The following SSBP2 variants were observed in gnomAD, a reference collection of about 807,000 sequenced individuals.
SSBP2 encodes the protein single stranded DNA binding protein 2, also known as single-stranded DNA-binding protein 2.
A neutral mutation model predicts 61.8 loss-of-function variants in SSBP2; 17 were observed. That is an observed-to-expected ratio of 0.28 (90% confidence interval 0.19 to 0.41). The LOEUF is 0.41. SSBP2 is among the 10% of genes least tolerant of loss of function. The probability of loss-of-function intolerance (pLI) is 1.00; values close to 1 mark genes in which losing one functional copy is unlikely to be tolerated. For missense variants in SSBP2, 310 were observed against 458.7 expected, an observed-to-expected ratio of 0.68 and a Z score of 2.96; for synonymous variants, 139 against 141.3, an observed-to-expected ratio of 0.98 and a Z score of 0.12.
chr5:81,607,577 A>G (rs1308304929), intron 4 of SSBP2, among the ~76,000 whole-genome samples: 1 of 152,170 alleles, frequency 6.6e-6, no homozygotes, highest in Non-Finnish European at 1.5e-5. Flanking sequence ...GAAAGGGCTA[A>G]TATGTTGAGA....
chr5:81,627,445 C>A (rs1747280930), intron 3 of SSBP2, among the ~76,000 whole-genome samples: 1 of 152,092 alleles, frequency 6.6e-6, no homozygotes, highest in African/African-American at 2.4e-5. Context: ...AAAGACATAC[C>A]AGATGAGTAA....
chr5:81,608,771 A>G (rs1174296401), intron 4 of SSBP2, among the ~76,000 whole-genome samples: 1 of 152,042 alleles, frequency 6.6e-6, no homozygotes, highest in Non-Finnish European at 1.5e-5. Context: ...GAATTCTAGA[A>G]TGGGGGTGGG....
chr5:81,663,363 A>G (rs1364447300), intron 1 of SSBP2, among the ~76,000 whole-genome samples: 4 of 152,194 alleles, frequency 2.6e-5, no homozygotes, highest in African/African-American at 9.6e-5. Context: ...CAGCTAATAA[A>G]ATGGTCTTAT....
chr5:81,492,750 C>T (rs1453503201), intron 5 of SSBP2, among the ~76,000 whole-genome samples: 1 of 152,054 alleles, frequency 6.6e-6, no homozygotes. Context: ...AGTTTCTGTA[C>T]CTCTATTAAT....
chr5:81,627,159 G>A (rs80061763), intron 3 of SSBP2, among the ~76,000 whole-genome samples: 1,839 of 152,126 alleles, frequency 0.012, 37 homozygotes, highest in African/African-American at 0.042. Flanking sequence ...TTTCTTTTGA[G>A]TCCTTTACAT....
At chr5:81,702,745 G>A (rs1242690684) in intron 1 of SSBP2, among the ~76,000 whole-genome samples, 1 of 152,050 alleles carries the variant, frequency 6.6e-6, no homozygotes, top group Non-Finnish European at 1.5e-5. Flanking sequence ...TTATTTTAGG[G>A]GGATAAAATT....
At chr5:81,502,387 T>C (rs907352284) in intron 5 of SSBP2, among the ~76,000 whole-genome samples, 9 of 152,220 alleles carry the variant, frequency 5.9e-5, no homozygotes, top group African/African-American at 2.2e-4. Context: ...TTCATTTTCC[T>C]AATTTCTTAA....
intron 1 of SSBP2, among the ~76,000 whole-genome samples, chr5:81,750,137 C>T (rs553512619): frequency 1.3e-5 from 2 of 152,120 alleles, no homozygotes; most frequent in Non-Finnish European, 1.5e-5. Context: ...GAAACGCCAG[C>T]CTCCTCCAGC....
chr5:81,482,406 T>C (rs2154032792), intron 6 of SSBP2, among the ~76,000 whole-genome samples: 1 of 152,324 alleles, frequency 6.6e-6, no homozygotes, highest in Non-Finnish European at 1.5e-5. Flanking sequence ...AAGTTCTAGG[T>C]GGCATCTTCT....
At chr5:81,573,104 G>C (rs187581134) in intron 4 of SSBP2, among the ~76,000 whole-genome samples, 2 of 152,082 alleles carry the variant, frequency 1.3e-5, no homozygotes, top group Admixed American at 1.3e-4. Flanking sequence ...TAAATTGTTT[G>C]GACCTACATA....
chr5:81,467,815 T>A (rs1010027030), intron 8 of SSBP2, among the ~76,000 whole-genome samples: 1 of 152,006 alleles, frequency 6.6e-6, no homozygotes, highest in Admixed American at 6.6e-5. Context: ...CTGGGTACTC[T>A]TTTTCAATTT....
intron 4 of SSBP2, among the ~76,000 whole-genome samples, chr5:81,581,053 T>C (rs534072997): frequency 4.6e-4 from 70 of 152,256 alleles, no homozygotes; most frequent in African/African-American, 1.6e-3. Context: ...AAAGTGCAGG[T>C]TTCATAGGTC....
At chr5:81,487,520 G>A (rs1580809428) in intron 6 of SSBP2, among the ~76,000 whole-genome samples, 1 of 151,992 alleles carries the variant, frequency 6.6e-6, no homozygotes, top group Non-Finnish European at 1.5e-5. Flanking sequence ...ATGAATGCTA[G>A]AGCCATGATA....
At chr5:81,596,226 C>A (rs1400057159) in intron 4 of SSBP2, among the ~76,000 whole-genome samples, 1 of 151,948 alleles carries the variant, frequency 6.6e-6, no homozygotes, top group Admixed American at 6.6e-5. Context: ...CATGAGTGAA[C>A]TCCCATTCAC....
chr5:81,564,367 G>A (rs997179979), intron 4 of SSBP2, among the ~76,000 whole-genome samples: 21 of 152,216 alleles, frequency 1.4e-4, no homozygotes, highest in Non-Finnish European at 1.5e-5. Context: ...ATGAGGTGCT[G>A]TAAAAGAAGC....
intron 4 of SSBP2, among the ~76,000 whole-genome samples, chr5:81,538,989 T>C (rs1342648249): frequency 6.6e-6 from 1 of 152,220 alleles, no homozygotes; most frequent in East Asian, 1.9e-4. Context: ...CTTTCAAGAC[T>C]TATTATTTAA....
intron 4 of SSBP2, among the ~76,000 whole-genome samples, chr5:81,577,380 T>G (rs1006270752): frequency 6.6e-6 from 1 of 151,988 alleles, no homozygotes; most frequent in Non-Finnish European, 1.5e-5. Context: ...AGTGTAAACT[T>G]GTAAGCTCTT....
At chr5:81,433,091 C>T (rs1265059878) in intron 15 of SSBP2, among the ~76,000 whole-genome samples, 1 of 152,050 alleles carries the variant, frequency 6.6e-6, no homozygotes, top group African/African-American at 2.4e-5. Context: ...CTGGCCACCA[C>T]CCCGTCTGGG....
chr5:81,467,160 C>T, intron 8 of SSBP2, 95 bp from the exon 9 acceptor site: 1 of 672,706 alleles, frequency 1.5e-6, no homozygotes, highest in Non-Finnish European at 2.5e-6. Context: ...TGGATAAGGC[C>T]TGTGTAATTC....
Sources: gnomAD v4.1 joint callset for allele counts (sites outside exome capture counted in the v4.1 genomes callset) on GRCh38, gnomAD v4.1.1 for gene constraint, MANE v1.5 for transcripts, NCBI Gene and HGNC (gene_info 2026-07-23, HGNC 2026-07-21) for gene names.